Variants in SYNJ1 observed in about 807,000 individuals in gnomAD.
SYNJ1 encodes polyphosphatidylinositol phosphatase SYNJ1.
SYNJ1 carries 78 observed loss-of-function variants against 168.2 expected under a neutral mutation model. That is an observed-to-expected ratio of 0.46 (90% CI 0.39 to 0.56). The LOEUF (loss-of-function observed/expected upper bound fraction) is 0.56. Among genes scored for constraint, SYNJ1 ranks in the 20% least tolerant of loss-of-function variants. The pLI is 0.00. For synonymous variants in SYNJ1, 539 were observed against 548.6 expected (o/e 0.98, Z 0.24); for missense variants, 1,303 against 1,597.6 (o/e 0.82, Z 3.14).
At chr21:32,715,137 C>A (rs1195579332) in intron 2 of SYNJ1, among the ~76,000 whole-genome samples, 1 of 152,072 alleles carries the variant, frequency 6.6e-6, no homozygotes, top group African/African-American at 2.4e-5. Context: ...GTACAACCAG[C>A]TAGAAATTTA....
At chr21:32,727,899 C>T in intron 1 of SYNJ1, 47 bp downstream of exon 1, 2 of 1,529,482 alleles carry the variant, frequency 1.3e-6, no homozygotes, top group Non-Finnish European at 1.7e-6. Flanking sequence ...CCCGGCTGCC[C>T]GTGGGTCTGG....
rs148889175 is a variant in SYNJ1 at position 32,642,166 on chromosome 21, G to T, written c.3479-33C>A. On this transcript the variant is annotated intron_variant, in intron 27 of 32. Transcript: ENST00000674351. ...GCAAGAAGGGAAAAAAAAATTAGTTGTAAGTTAACAATTAAGCAATATTGC... is the reference window on the plus strand; with the variant it reads ...GCAAGAAGGGAAAAAAAAATTAGTTTTAAGTTAACAATTAAGCAATATTGC... The T allele has an allele frequency of 2.6e-3, 4,214 of 1,612,912 alleles. 4 individuals are homozygous for T. Among genetic ancestry groups the T allele is most frequent in the Middle Eastern group, 3.9e-3 (22 of 5,614 alleles).
At position 32,638,911 on chromosome 21, in the gene SYNJ1, C is replaced by T. The variant is rs372695378; in HGVS notation, c.3912G>A (p.Pro1304=). The T allele has an allele frequency of 3.4e-5, 54 of 1,593,160 alleles. No individual in the cohort carries two copies. Among genetic ancestry groups the T allele is most frequent in the East Asian group, 6.7e-5 (3 of 44,484 alleles). The change falls in exon 31 of 33, where the codon CCG becomes CCA. Residue 1304 remains proline (P), a synonymous_variant. Coordinates refer to ENST00000674351, the MANE Select transcript of SYNJ1 (RefSeq NM_203446.3). The part of the protein sequence containing the change: ...HSLPSEASSQ[P]QQEQPSG Reference sequence around the variant, plus strand: ...TTGTGTAACAAATGAGACTTACTTGCGGTTGTGAGGAAGCTTCTGAAGGCA... The same window carrying T: ...TTGTGTAACAAATGAGACTTACTTGTGGTTGTGAGGAAGCTTCTGAAGGCA...
rs1031348209 is a variant in SYNJ1 at position 32,646,730 on chromosome 21, T to C, written c.3038-128A>G. On this transcript the variant is annotated intron_variant, in intron 23 of 32. Transcript: ENST00000674351. ...AACATTATGTCATTGCAAACACACA[T>C]GGATTAAGCATGAAGGCATGTATAA... 1.0e-5 allele frequency: 7 copies of C among 677,188 alleles called. No individual in the cohort carries two copies. In the East Asian group the frequency reaches 1.9e-4, roughly 19 times the overall value. 41.9% of individuals were successfully genotyped at this position (677,188 alleles called of 1,614,324 possible). A position where few individuals can be genotyped will look rare whatever the true frequency, so the allele number is the denominator to read the frequency against.
rs1200812997 is a variant in SYNJ1 at position 32,631,245 on chromosome 21, C to A, written c.*560G>T. On this transcript the variant is annotated 3_prime_UTR_variant, in exon 33 of 33. Coordinates refer to ENST00000674351, the MANE Select transcript of SYNJ1 (RefSeq NM_203446.3). The stretch of plus-strand genomic sequence containing the variant: ...AGCTGACTTTGACTTCCCTTTCACA[C>A]CAAAATCCTCTTCTTCCTCGAAGGT... 3 of 1,614,220 alleles carry A rather than the reference C, an allele frequency of 1.9e-6. No homozygotes were observed. The East Asian group carries it at 6.7e-5, about 36-fold the overall frequency.
intron 2 of SYNJ1, among the ~76,000 whole-genome samples, chr21:32,723,169 G>C (rs2043311253): frequency 6.6e-6 from 1 of 152,318 alleles, no homozygotes; most frequent in Non-Finnish European, 1.5e-5. Context: ...CTGCATTAGT[G>C]AACACGTGGG....
chr21:32,694,114 A>G, intron 6 of SYNJ1, 114 bp downstream of exon 6: 1 of 674,706 alleles, frequency 1.5e-6, no homozygotes, highest in Non-Finnish European at 2.3e-6. Context: ...TCCAGCTAAC[A>G]TTATTAGATG....
chr21:32,711,206 TATTTATAG>T (rs1443411814), intron 2 of SYNJ1, among the ~76,000 whole-genome samples: 2 of 152,230 alleles, frequency 1.3e-5, no homozygotes, highest in Non-Finnish European at 2.9e-5. Flanking sequence ...AGAGGTGGTC[TATTTATAG>T]ACTACAGAAA....
intron 9 of SYNJ1, among the ~76,000 whole-genome samples, chr21:32,685,241 T>C (rs1477917292): frequency 1.3e-5 from 2 of 149,478 alleles, no homozygotes; most frequent in Non-Finnish European, 3.0e-5. Flanking sequence ...CGCTCACTAA[T>C]GTAACCTCTC....
chr21:32,720,367 T>C (rs950525917), intron 2 of SYNJ1, among the ~76,000 whole-genome samples: 1 of 152,244 alleles, frequency 6.6e-6, no homozygotes, highest in Non-Finnish European at 1.5e-5. Flanking sequence ...TGGTAGCCAT[T>C]ATCATTTCAC....
In SYNJ1 at chr21:32,648,398, TCAA is replaced by T. The variant is rs1391445698; in HGVS notation, c.3037+1783_3037+1785del. Among the ~76,000 whole-genome samples the T allele has an allele frequency of 3.3e-5, 5 of 152,348 alleles. No individual in the cohort carries two copies. In the East Asian group the frequency reaches 9.6e-4, roughly 29 times the overall value. On this transcript the variant is annotated intron_variant, in intron 23 of 32. Transcript: ENST00000674351. ...CTTCTGAGATCACTCTCATGAAATG[TCAA>T]CAACAGCTTCCCTTCCTGTTATTAA... is the stretch of plus-strand genomic sequence containing the variant.
In SYNJ1 at chr21:32,678,671, G is replaced by A; in HGVS notation, c.1484C>T (p.Ala495Val). 1 of 1,609,994 alleles carries A rather than the reference G, an allele frequency of 6.2e-7. No individual in the cohort carries two copies. The highest frequency in any genetic ancestry group is 8.5e-7 in the Non-Finnish European group (1 of 1,178,934). Residue 495 changes from alanine to valine, a missense_variant, in exon 12 of 33, where the codon GCA becomes GTA. Coordinates refer to ENST00000674351, the MANE Select transcript of SYNJ1 (RefSeq NM_203446.3). ...LNSDLADKAR[A>V]LLTTGSLRVS... ...ACGCAAACTTCCAGTAGTTAAAAGT[G>A]CTCGAGCTTTGTCAGCTAAATCACT... is the stretch of plus-strand genomic sequence containing the variant.
Position 32,685,877 on chromosome 21 carries a change from A to G in SYNJ1, c.989T>C (p.Met330Thr). Residue 330 changes from methionine (M) to threonine (T), a missense_variant, in exon 9 of 33, where the codon ATG (methionine) becomes ACG (threonine). Physicochemically the swap from Met to Thr is moderately conservative, Grantham distance 81 (BLOSUM62 -1). This residue lies in a region of SYNJ1 where 920 missense variants were observed against 1,208.8 expected (regional missense o/e 0.76). Transcript: ENST00000674351. ...KASEHAADIQ[M>T]VNFDYHQMVK... ...CATTTGATGATAGTCAAAATTCACC[A>G]TCTGGATATCAGCAGCATGTTCAGA... 1 of 1,612,272 alleles carries G rather than the reference A, an allele frequency of 6.2e-7. No homozygotes were observed. Among genetic ancestry groups the G allele is most frequent in the East Asian group, 2.2e-5 (1 of 44,614 alleles).
intron 18 of SYNJ1, among the ~76,000 whole-genome samples, chr21:32,662,981 C>G (rs2040776921): frequency 6.6e-6 from 1 of 152,198 alleles, no homozygotes; most frequent in South Asian, 2.1e-4. Context: ...TACAAACACT[C>G]TCCTGAGCCA....
chr21:32,658,563 A>ACC (rs2040553474), intron 18 of SYNJ1: 1 of 152,040 alleles, frequency 6.6e-6, no homozygotes, highest in African/African-American at 2.4e-5. Context: ...TGTCGCACTG[A>ACC]CCCCCCACTA....
intron 13 of SYNJ1, among the ~76,000 whole-genome samples, chr21:32,676,029 T>C (rs906051166): frequency 6.6e-6 from 1 of 152,214 alleles, no homozygotes; most frequent in African/African-American, 2.4e-5. Flanking sequence ...ATAACACTAA[T>C]AATATTTGTT....
intron 12 of SYNJ1, among the ~76,000 whole-genome samples, chr21:32,676,903 A>G (rs913296939): frequency 2.3e-4 from 35 of 152,190 alleles, no homozygotes; most frequent in African/African-American, 7.7e-4. Context: ...CCACGTTCAA[A>G]AACTTCAACA....
At chr21:32,682,721 T>G (rs1289611255) in intron 10 of SYNJ1, among the ~76,000 whole-genome samples, 1 of 152,178 alleles carries the variant, frequency 6.6e-6, no homozygotes, top group Non-Finnish European at 1.5e-5. Context: ...AATTCCTAAC[T>G]ATCAACAGTG....
chr21:32,645,337 CT>C (rs2040013299), intron 25 of SYNJ1, among the ~76,000 whole-genome samples: 2 of 151,932 alleles, frequency 1.3e-5, no homozygotes. Flanking sequence ...AAAATTAAAC[CT>C]AATTTTACCT....
Sources: allele counts gnomAD v4.1 joint callset (sites outside exome capture counted in the v4.1 genomes callset), GRCh38; gene constraint gnomAD v4.1.1; regional missense constraint gnomAD v4.1.1; transcripts MANE v1.5; gene names NCBI Gene and HGNC (gene_info 2026-07-23, HGNC 2026-07-21).